Variants in CDC42BPB observed in about 807,000 individuals in gnomAD.
CDC42BPB encodes the protein CDC42 binding protein kinase beta, also known as serine/threonine-protein kinase MRCK beta.
CDC42BPB carries 37 observed loss-of-function variants against 214.9 expected under a neutral mutation model. The ratio of observed to expected loss-of-function variants is 0.17; its 90% CI spans 0.13 to 0.23. The LOEUF (loss-of-function observed/expected upper bound fraction) is 0.23. CDC42BPB is among the 10% of genes least tolerant of loss of function. CDC42BPB has a pLI of 1.00. For synonymous variants in CDC42BPB, 931 were observed against 884.0 expected, an observed-to-expected ratio of 1.05 and a Z score of -0.94; for missense variants, 1,694 against 2,227.0, an observed-to-expected ratio of 0.76 and a Z score of 4.82.
chr14:102,946,815 C>G, intron 27 of CDC42BPB, 131 bp from the exon 28 acceptor site: 1 of 1,457,632 alleles, frequency 6.9e-7, no homozygotes, highest in Non-Finnish European at 9.0e-7. Flanking sequence ...GCAGGGACCC[C>G]TGACTCCACC....
chr14:103,005,942 G>A (rs1291725808), intron 3 of CDC42BPB, among the ~76,000 whole-genome samples: 1 of 150,344 alleles, frequency 6.7e-6, no homozygotes, highest in East Asian at 2.0e-4. Flanking sequence ...TCGTTTGAAC[G>A]CAGGAGACCG....
At chr14:102,934,850 A>C (rs530675467) in intron 36 of CDC42BPB, among the ~76,000 whole-genome samples, 7 of 151,872 alleles carry the variant, frequency 4.6e-5, no homozygotes, top group South Asian at 4.2e-4. Flanking sequence ...TGCTAAAAAT[A>C]CAAAAAAAAA....
chr14:103,031,413 T>A (rs1887367486), intron 1 of CDC42BPB, among the ~76,000 whole-genome samples: 1 of 152,170 alleles, frequency 6.6e-6, no homozygotes, highest in South Asian at 2.1e-4. Flanking sequence ...TCAATAAAAC[T>A]TTACGGCAAA....
Position 102,972,072 on chromosome 14 carries a change from G to A in CDC42BPB, c.1731C>T (p.Phe577=), listed in dbSNP as rs1310290649. ...HQQRKLALQE[F]SELNERMAEL... ...CTGCCATGCGCTCGTTCAGCTCCGAGAACTCCTGCAGGGCCAGCTTTCGCT... is the reference window on the plus strand; with the variant it reads ...CTGCCATGCGCTCGTTCAGCTCCGAAAACTCCTGCAGGGCCAGCTTTCGCT... Residue 577 remains phenylalanine (F), a synonymous_variant, in exon 13 of 37, where the codon TTC becomes TTT. Transcript: ENST00000361246. 2 of 1,614,144 alleles carry A rather than the reference G, an allele frequency of 1.2e-6. No individual in the cohort carries two copies. The highest frequency in any genetic ancestry group is 2.7e-5 in the African/African-American group (2 of 74,944).
At chr14:102,954,317 C>T in intron 22 of CDC42BPB, 42 bp from the exon 23 acceptor site, 1 of 1,469,906 alleles carries the variant, frequency 6.8e-7, no homozygotes, top group Non-Finnish European at 9.1e-7. Context: ...CCCAGCTCAG[C>T]ATGGCTGAGA....
At chr14:102,990,516 C>T (rs1490649419) in intron 5 of CDC42BPB, among the ~76,000 whole-genome samples, 1 of 152,160 alleles carries the variant, frequency 6.6e-6, no homozygotes, top group Non-Finnish European at 1.5e-5. Flanking sequence ...GGGAGGAAGT[C>T]AGGAAGTTAA....
At chr14:102,976,565 C>G (rs1019897780) in intron 9 of CDC42BPB, among the ~76,000 whole-genome samples, 1 of 152,230 alleles carries the variant, frequency 6.6e-6, no homozygotes, top group African/African-American at 2.4e-5. Context: ...CGCACACAGC[C>G]GAGGCACAGG....
At chr14:102,950,156 G>A in intron 25 of CDC42BPB, 1 of 946,914 alleles carries the variant, frequency 1.1e-6, no homozygotes, top group Non-Finnish European at 1.3e-6. Context: ...GGTACACGCA[G>A]CCCGACAGTC....
In CDC42BPB at chr14:102,954,291, GA is replaced by G; in HGVS notation, c.2989-17del. The G allele has an allele frequency of 6.6e-7, 1 of 1,511,468 alleles. No homozygotes were observed. Among genetic ancestry groups the G allele is most frequent in the South Asian group, 1.3e-5 (1 of 78,026 alleles). 93.6% of individuals were successfully genotyped at this position (1,511,468 alleles called of 1,614,324 possible). The stretch of plus-strand genomic sequence containing the variant: ...GAGCCATGTCCTGGGAGACAAGCAG[GA>G]CAGGTGAGTGTCGGCCCAGCTCAGC... On this transcript the variant is annotated splice_polypyrimidine_tract_variant and intron_variant, in intron 22 of 36. Coordinates refer to ENST00000361246, the MANE Select transcript of CDC42BPB (RefSeq NM_006035.4).
At chr14:102,984,566 GTAC>G (rs1428543596) in intron 6 of CDC42BPB, among the ~76,000 whole-genome samples, 1 of 152,138 alleles carries the variant, frequency 6.6e-6, no homozygotes, top group East Asian at 1.9e-4. Flanking sequence ...AGGTGCCAGA[GTAC>G]AGTGACACCT....
chr14:103,035,844 A>T (rs1405104961), intron 1 of CDC42BPB, among the ~76,000 whole-genome samples: 2 of 151,788 alleles, frequency 1.3e-5, no homozygotes, highest in Non-Finnish European at 1.5e-5. Flanking sequence ...TGTCTCAAAA[A>T]AAATAAAAAA....
chr14:102,967,329 T>C (rs1233002915), intron 16 of CDC42BPB, 159 bp from the exon 17 acceptor site: 8 of 985,460 alleles, frequency 8.1e-6, no homozygotes, highest in Non-Finnish European at 9.6e-6. Context: ...TTTCACTGTA[T>C]CTAGCTTAAG....
intron 21 of CDC42BPB, among the ~76,000 whole-genome samples, chr14:102,958,759 C>T (rs1892821899): frequency 6.6e-6 from 1 of 152,170 alleles, no homozygotes; most frequent in African/African-American, 2.4e-5. Context: ...CATCAACCAC[C>T]TTTCCCATCG....
chr14:103,056,953 C>CG, intron 1 of CDC42BPB, 46 bp downstream of exon 1: 1 of 1,277,500 alleles, frequency 7.8e-7, no homozygotes, highest in African/African-American at 1.6e-5. Context: ...GGCTGGGGCG[C>CG]GGGGGTCGCA....
At chr14:102,981,679 A>C (rs1894008149) in intron 7 of CDC42BPB, among the ~76,000 whole-genome samples, 1 of 152,294 alleles carries the variant, frequency 6.6e-6, no homozygotes, top group Non-Finnish European at 1.5e-5. Context: ...TGGGAGGCTG[A>C]GGCACGAGAA....
At position 102,980,920 on chromosome 14, in the gene CDC42BPB, A is replaced by G. The variant is rs34750098; in HGVS notation, c.993T>C (p.Asn331=). Residue 331 remains asparagine, a synonymous_variant, in exon 8 of 37, where the codon AAT becomes AAC. Coordinates refer to ENST00000361246, the MANE Select transcript of CDC42BPB (RefSeq NM_006035.4). ...ICSRERRLGQ[N]GIEDFKKHAF... Reference sequence around the variant, plus strand: ...CATGCTTTTTGAAATCCTCTATTCCATTCTGCCCCAGCCGGCGTTCTCTAC... The same window carrying G: ...CATGCTTTTTGAAATCCTCTATTCCGTTCTGCCCCAGCCGGCGTTCTCTAC... 11,831 of 1,614,154 alleles carry G rather than the reference A, an allele frequency of 7.3e-3. 61 individuals carry two copies. Among genetic ancestry groups the G allele is most frequent in the Admixed American group, 0.011 (656 of 60,018 alleles).
chr14:103,047,144 C>T (rs927023369), intron 1 of CDC42BPB, among the ~76,000 whole-genome samples: 2 of 148,866 alleles, frequency 1.3e-5, no homozygotes, highest in South Asian at 2.1e-4. Flanking sequence ...ATTAGCTGGG[C>T]TTGGTGGTGG....
intron 1 of CDC42BPB, among the ~76,000 whole-genome samples, chr14:103,031,766 T>G (rs1310453123): frequency 6.6e-6 from 1 of 152,076 alleles, no homozygotes; most frequent in East Asian, 1.9e-4. Flanking sequence ...CCGTCTGGCT[T>G]CTAAGGGCTG....
At chr14:102,973,628 T>C (rs1294425978) in intron 12 of CDC42BPB, among the ~76,000 whole-genome samples, 2 of 152,146 alleles carry the variant, frequency 1.3e-5, no homozygotes, top group Non-Finnish European at 2.9e-5. Context: ...ACAGCCACCA[T>C]GCCCTGTGGA....
Sources: allele counts gnomAD v4.1 joint callset (sites outside exome capture counted in the v4.1 genomes callset), GRCh38; gene constraint gnomAD v4.1.1; transcripts MANE v1.5; gene names NCBI Gene and HGNC (gene_info 2026-07-23, HGNC 2026-07-21).